The following HS6ST3 variants were observed in gnomAD, a reference collection of about 807,000 sequenced individuals.
HS6ST3 encodes the protein heparan sulfate 6-O-sulfotransferase 3.
HS6ST3 carries 12 observed loss-of-function variants against 36.7 expected under a neutral mutation model. The ratio of observed to expected loss-of-function variants is 0.33; its 90% CI spans 0.21 to 0.53. HS6ST3 has a LOEUF of 0.53. Ranked by LOEUF, HS6ST3 falls within the 20% of genes least tolerant of loss-of-function variation. The pLI, the probability that HS6ST3 is intolerant of heterozygous loss-of-function variation, is 0.95. For missense variants in HS6ST3, 584 were observed against 640.9 expected, an observed-to-expected ratio of 0.91 and a Z score of 0.96; for synonymous variants, 240 against 257.5, an observed-to-expected ratio of 0.93 and a Z score of 0.65.
At chr13:96,351,335 T>TTTTTTTTTTTTTTTTTTA (rs1203595829) in intron 1 of HS6ST3, among the ~76,000 whole-genome samples, 3 of 146,366 alleles carry the variant, frequency 2.0e-5, no homozygotes, top group African/African-American at 7.8e-5. Context: ...TTTTTTTTTT[T>TTTTTTTTTTTTTTTTTTA]AAAAAAAACA....
intron 1 of HS6ST3, among the ~76,000 whole-genome samples, chr13:96,636,165 A>G (rs920805576): frequency 5.3e-5 from 8 of 152,260 alleles, no homozygotes; most frequent in African/African-American, 1.9e-4. Flanking sequence ...GTGAGGGTAC[A>G]TTTGCGTTTG....
chr13:96,777,505 A>G (rs1877418440), intron 1 of HS6ST3, among the ~76,000 whole-genome samples: 1 of 152,232 alleles, frequency 6.6e-6, no homozygotes, highest in Non-Finnish European at 1.5e-5. Flanking sequence ...TCAATGTACA[A>G]AAATCACAAG....
intron 1 of HS6ST3, among the ~76,000 whole-genome samples, chr13:96,596,365 A>G (rs1270303886): frequency 3.9e-5 from 6 of 152,158 alleles, no homozygotes; most frequent in African/African-American, 1.4e-4. Context: ...TCATCAGTTG[A>G]TGAGCAGTTA....
rs139335113 is a variant in HS6ST3 at position 96,713,476 on chromosome 13, C to T, written c.708-119014C>T. 2.4e-3 allele frequency among the ~76,000 whole-genome samples: 368 copies of T among 152,254 alleles called. 2 individuals carry two copies. Among genetic ancestry groups the T allele is most frequent in the African/African-American group, 8.4e-3 (348 of 41,544 alleles). ...AATGGCTCCAAAAAATGCATTAAAG[C>T]CCATTTTTAACTCTTCTCCAAGAAT... On this transcript the variant is annotated intron_variant, in intron 1 of 1. Coordinates refer to ENST00000376705, the MANE Select transcript of HS6ST3 (RefSeq NM_153456.4).
At chr13:96,811,504 C>T (rs1274724051) in intron 1 of HS6ST3, among the ~76,000 whole-genome samples, 1 of 152,086 alleles carries the variant, frequency 6.6e-6, no homozygotes, top group African/African-American at 2.4e-5. Flanking sequence ...AATATTATTC[C>T]ATTTTTGCTA....
intron 1 of HS6ST3, among the ~76,000 whole-genome samples, chr13:96,802,219 C>T (rs1006076507): frequency 6.6e-6 from 1 of 152,012 alleles, no homozygotes; most frequent in Non-Finnish European, 1.5e-5. Flanking sequence ...ACGGCCTAGA[C>T]CTATCAGGAT....
rs547300178 is a variant in HS6ST3, at chr13:96,756,099, T to C, written c.708-76391T>C. Among the ~76,000 whole-genome samples, 11 of 152,332 alleles carry C rather than the reference T, an allele frequency of 7.2e-5. No individual in the cohort carries two copies. In the South Asian group the frequency reaches 2.3e-3, roughly 32 times the overall value. ...GTGATGTTGAACACATTTTTATTCT[T>C]ATTAGCCATGTGTATATATCTTCTC... is the stretch of plus-strand genomic sequence containing the variant. On this transcript the variant is annotated intron_variant, in intron 1 of 1. Transcript: ENST00000376705.
rs117809107 is a variant in HS6ST3 at position 96,771,472 on chromosome 13, G to A, written c.708-61018G>A. Among the ~76,000 whole-genome samples the A allele has an allele frequency of 4.7e-4, 71 of 152,272 alleles. 1 individual carries two copies. The East Asian group carries it at 0.013, about 27-fold the overall frequency. On this transcript the variant is annotated intron_variant, in intron 1 of 1. Transcript: ENST00000376705. Reference sequence around the variant, plus strand: ...AAAAGAATACAGGGAAACCAGATAAGCATTCTAATCATGTAATCACTCTAC... The same window carrying A: ...AAAAGAATACAGGGAAACCAGATAAACATTCTAATCATGTAATCACTCTAC...
chr13:96,773,251 C>T (rs1007205366), intron 1 of HS6ST3, among the ~76,000 whole-genome samples: 5 of 152,200 alleles, frequency 3.3e-5, no homozygotes, highest in Non-Finnish European at 5.9e-5. Context: ...GTTGGGCAGA[C>T]ACCAAGCTAG....
intron 1 of HS6ST3, among the ~76,000 whole-genome samples, chr13:96,654,016 G>A (rs1026712279): frequency 6.6e-6 from 1 of 152,136 alleles, no homozygotes; most frequent in African/African-American, 2.4e-5. Flanking sequence ...CTTTTGAGAA[G>A]TGTCTGTTCA....
chr13:96,368,515 A>T lies in HS6ST3; in HGVS notation c.707+276946A>T, dbSNP rs1327047114. Among the ~76,000 whole-genome samples the T allele has an allele frequency of 6.2e-3, 877 of 141,274 alleles. 9 individuals carry two copies. The highest frequency in any genetic ancestry group is 0.011 in the Middle Eastern group (3 of 278). The allele number at this position is 141,274 out of a possible 152,430, so 92.7% of individuals were successfully genotyped here. On this transcript the variant is annotated intron_variant, in intron 1 of 1. Transcript: ENST00000376705. ...TGATATTCAGAGCTTTTTTTTTTAA[A>T]AAAAAAACATAATTTTCTTCTTCAT...
At chr13:96,308,858 A>G (rs2054926606) in intron 1 of HS6ST3, among the ~76,000 whole-genome samples, 1 of 152,148 alleles carries the variant, frequency 6.6e-6, no homozygotes, top group Admixed American at 6.5e-5. Context: ...TAATGGGAAA[A>G]TTGCATACAC....
At chr13:96,556,887 T>C (rs1213634587) in intron 1 of HS6ST3, among the ~76,000 whole-genome samples, 1 of 152,184 alleles carries the variant, frequency 6.6e-6, no homozygotes, top group Non-Finnish European at 1.5e-5. Flanking sequence ...TAATGCTGTA[T>C]AATCATGGCT....
intron 1 of HS6ST3, among the ~76,000 whole-genome samples, chr13:96,510,892 G>T (rs2056047151): frequency 6.6e-6 from 1 of 151,924 alleles, no homozygotes; most frequent in Non-Finnish European, 1.5e-5. Context: ...TGTGCTAAAG[G>T]CCTCATTGAA....
chr13:96,404,343 G>A (rs1320336250), intron 1 of HS6ST3, among the ~76,000 whole-genome samples: 2 of 152,158 alleles, frequency 1.3e-5, no homozygotes, highest in African/African-American at 4.8e-5. Flanking sequence ...AATTGTTAAG[G>A]TAGTTGCCTA....
intron 1 of HS6ST3, among the ~76,000 whole-genome samples, chr13:96,313,770 T>C (rs1435062924): frequency 6.6e-6 from 1 of 152,240 alleles, no homozygotes; most frequent in Non-Finnish European, 1.5e-5. Flanking sequence ...AATTTTATGA[T>C]GGTCCAAGAT....
chr13:96,336,899 G>A (rs925909600), intron 1 of HS6ST3, among the ~76,000 whole-genome samples: 6 of 152,132 alleles, frequency 3.9e-5, no homozygotes, highest in Non-Finnish European at 8.8e-5. Flanking sequence ...CAAGAAGTAT[G>A]CTCTGATTAA....
At chr13:96,356,550 G>T (rs1398786352) in intron 1 of HS6ST3, among the ~76,000 whole-genome samples, 2 of 152,136 alleles carry the variant, frequency 1.3e-5, no homozygotes, top group African/African-American at 4.8e-5. Context: ...CATTGTCAAT[G>T]AGTAGTAATC....
intron 1 of HS6ST3, among the ~76,000 whole-genome samples, chr13:96,667,981 T>G (rs58759783): frequency 0.012 from 1,852 of 152,322 alleles, 33 homozygotes; most frequent in African/African-American, 0.042. Flanking sequence ...AAGCACCTAC[T>G]GTTTTTGTTT....
Sources: gnomAD v4.1 joint callset for allele counts (sites outside exome capture counted in the v4.1 genomes callset) on GRCh38, gnomAD v4.1.1 for gene constraint, MANE v1.5 for transcripts, NCBI Gene and HGNC (gene_info 2026-07-23, HGNC 2026-07-21) for gene names.